Variants in SARNP observed in about 807,000 individuals in gnomAD.
The protein encoded by SARNP is SAP domain-containing ribonucleoprotein.
In SARNP, 5 loss-of-function variants were observed where a neutral mutation model predicts 38.1. That is an observed-to-expected ratio of 0.13 (90% CI 0.07 to 0.28). The LOEUF (loss-of-function observed/expected upper bound fraction) is 0.28. SARNP is among the 10% of genes least tolerant of loss of function. The pLI, the probability that SARNP is intolerant of heterozygous loss-of-function variation, is 1.00. For synonymous variants in SARNP, 84 were observed against 80.6 expected (o/e 1.04, Z -0.23); for missense variants, 180 against 243.9 (o/e 0.74, Z 1.75).
intron 9 of SARNP, among the ~76,000 whole-genome samples, chr12:55,772,477 A>AC (rs1371901250): frequency 1.1e-4 from 17 of 150,886 alleles, no homozygotes; most frequent in Non-Finnish European, 2.2e-4. Flanking sequence ...TCTTTCCCCA[A>AC]CCCCCACTCC....
chr12:55,757,378 T>A lies in SARNP; in HGVS notation c.*134A>T, dbSNP rs1878539892. 1.8e-6 allele frequency: 1 copy of A among 546,940 alleles called. No homozygotes were observed. Among genetic ancestry groups the A allele is most frequent in the African/African-American group, 1.9e-5 (1 of 51,420 alleles). 33.9% of individuals were successfully genotyped at this position (546,940 alleles called of 1,614,324 possible). Reference sequence around the variant, plus strand: ...TCAAACTGCTGCCGCAGTTCATGGATGTACCTGGGGTACATGCTCCCTCAT... The same window carrying A: ...TCAAACTGCTGCCGCAGTTCATGGAAGTACCTGGGGTACATGCTCCCTCAT... On this transcript the variant is annotated 3_prime_UTR_variant, in exon 11 of 11. Transcript: ENST00000336133.
At chr12:55,804,533 A>G (rs1200103754) in intron 1 of SARNP, among the ~76,000 whole-genome samples, 2 of 152,220 alleles carry the variant, frequency 1.3e-5, no homozygotes, top group African/African-American at 4.8e-5. Flanking sequence ...TCAGTTATAT[A>G]AAAACTGGGT....
At chr12:55,799,763 A>T (rs1409416628) in intron 4 of SARNP, among the ~76,000 whole-genome samples, 1 of 151,000 alleles carries the variant, frequency 6.6e-6, no homozygotes, top group Non-Finnish European at 1.5e-5. Flanking sequence ...CATCTTGGCC[A>T]GGCTGGTCTT....
chr12:55,775,535 A>C (rs566321714), intron 9 of SARNP, among the ~76,000 whole-genome samples: 109 of 148,102 alleles, frequency 7.4e-4, no homozygotes, highest in Admixed American at 2.1e-3. Context: ...TCTCAAAAAA[A>C]AAAAAACAAA....
At chr12:55,806,399 T>A (rs2136204748) in intron 1 of SARNP, among the ~76,000 whole-genome samples, 1 of 151,800 alleles carries the variant, frequency 6.6e-6, no homozygotes, top group South Asian at 2.1e-4. Flanking sequence ...CTCAGCCTCC[T>A]GAGTAGCTGG....
intron 9 of SARNP, among the ~76,000 whole-genome samples, chr12:55,779,025 A>G (rs1297493158): frequency 6.6e-6 from 1 of 152,122 alleles, no homozygotes; most frequent in African/African-American, 2.4e-5. Flanking sequence ...AACACAAAAA[A>G]CTAAACAAAC....
chr12:55,803,643 T>C lies in SARNP; in HGVS notation c.122A>G (p.Tyr41Cys). The change falls in exon 2 of 11, where the codon TAT becomes TGT. Residue 41 changes from tyrosine to cysteine, a missense_variant. Physicochemically the swap from Tyr to Cys is radical, Grantham distance 194 (BLOSUM62 -2). Coordinates refer to ENST00000336133, the MANE Select transcript of SARNP (RefSeq NM_033082.4). ...AAAGTACTCACCATGTTCTTCAAGA[T>C]ATGCCTGGAGTCTGTGGATAAGATC... Reference protein sequence around the residue: ...KQDLIHRLQAYLEEHAEEEAN... With the variant: ...KQDLIHRLQACLEEHAEEEAN... 1 of 1,609,526 alleles carries C rather than the reference T, an allele frequency of 6.2e-7. No homozygotes were observed. Among genetic ancestry groups the C allele is most frequent in the Non-Finnish European group, 8.5e-7 (1 of 1,176,486 alleles).
chr12:55,771,592 T>C (rs780277506), intron 9 of SARNP, among the ~76,000 whole-genome samples: 5 of 152,086 alleles, frequency 3.3e-5, no homozygotes, highest in African/African-American at 4.8e-5. Context: ...TCAGGGGAGC[T>C]CAGGTACTGC....
chr12:55,794,463 CAT>C, intron 6 of SARNP, 76 bp from the exon 7 acceptor site: 2 of 1,222,570 alleles, frequency 1.6e-6, no homozygotes, highest in East Asian at 2.3e-5. Flanking sequence ...GTCAAGTATA[CAT>C]ATGACACTTC....
At chr12:55,753,069 G>A (rs1878375933), downstream of SARNP, 1 of 152,206 alleles carries the variant, frequency 6.6e-6, no homozygotes, top group Non-Finnish European at 1.5e-5. Flanking sequence ...ATGGAAAGAG[G>A]ACAGGAAACT....
At chr12:55,805,241 A>G (rs567156806) in intron 1 of SARNP, among the ~76,000 whole-genome samples, 2 of 152,346 alleles carry the variant, frequency 1.3e-5, no homozygotes, top group Admixed American at 1.3e-4. Flanking sequence ...AGCCTGGGCG[A>G]AAGTGCGAGA....
intron 9 of SARNP, among the ~76,000 whole-genome samples, chr12:55,769,452 C>T (rs2432579): frequency 6.6e-6 from 1 of 151,974 alleles, no homozygotes; most frequent in Non-Finnish European, 1.5e-5. Flanking sequence ...GGACTCATAA[C>T]GGAAATTTGC....
chr12:55,804,700 T>C (rs1019745946), intron 1 of SARNP, among the ~76,000 whole-genome samples: 6 of 152,168 alleles, frequency 3.9e-5, no homozygotes, highest in Admixed American at 2.0e-4. Flanking sequence ...TCTATACTCT[T>C]ATTTTACGAA....
At chr12:55,800,257 T>A (rs1364332923) in intron 4 of SARNP, among the ~76,000 whole-genome samples, 1 of 152,038 alleles carries the variant, frequency 6.6e-6, no homozygotes, top group African/African-American at 2.4e-5. Context: ...AGATTCTCTA[T>A]AGAGTAACAG....
chr12:55,796,117 T>G lies in SARNP; in HGVS notation c.252-41A>C, dbSNP rs368438168. The G allele has an allele frequency of 4.3e-4, 591 of 1,380,138 alleles. 9 individuals carry two copies. In the South Asian group the frequency reaches 6.6e-3, roughly 15 times the overall value. The allele number at this position is 1,380,138 out of a possible 1,614,324, so 85.5% of individuals were successfully genotyped here. A position where few individuals can be genotyped will look rare whatever the true frequency, so the allele number is the denominator to read the frequency against. Reference sequence around the variant, plus strand: ...ATTTTTTAAAATGAGAAAACTGATATTCTAAACCACAACCTCAGAAATGTG... The same window carrying G: ...ATTTTTTAAAATGAGAAAACTGATAGTCTAAACCACAACCTCAGAAATGTG... On this transcript the variant is annotated intron_variant, in intron 4 of 10. Coordinates refer to ENST00000336133, the MANE Select transcript of SARNP (RefSeq NM_033082.4).
intron 9 of SARNP, among the ~76,000 whole-genome samples, chr12:55,761,187 T>A (rs574801787): frequency 5.2e-4 from 78 of 150,746 alleles, no homozygotes; most frequent in Middle Eastern, 3.4e-3. Context: ...AAAAAAAAAA[T>A]AATAAATAAA....
chr12:55,794,879 C>A lies in SARNP; in HGVS notation c.305G>T (p.Arg102Ile), dbSNP rs201721498. 1.4e-5 allele frequency: 21 copies of A among 1,520,148 alleles called. No homozygotes were observed. The highest frequency in any genetic ancestry group is 1.9e-5 in the Non-Finnish European group (21 of 1,120,492). 94.2% of individuals were successfully genotyped at this position (1,520,148 alleles called of 1,614,324 possible). ...GAATCGTTCAGCCCTCTTCTGCATTCTCTAAGTAAAAATAGACAAAAGGGA... is the reference window on the plus strand; with the variant it reads ...GAATCGTTCAGCCCTCTTCTGCATTATCTAAGTAAAAATAGACAAAAGGGA... ...KITSEIPQTE[R>I]MQKRAERFNV... Residue 102 changes from arginine (R) to isoleucine (I), a missense_variant and splice_region_variant, in exon 6 of 11, where the codon AGA becomes ATA. Physicochemically the swap from Arg to Ile is moderately conservative, Grantham distance 97. This residue lies in a region of SARNP where 161 missense variants were observed against 194.1 expected (regional missense o/e 0.83). Transcript: ENST00000336133.
At chr12:55,785,124 C>CA (rs1384214363) in intron 9 of SARNP, among the ~76,000 whole-genome samples, 1 of 149,962 alleles carries the variant, frequency 6.7e-6, no homozygotes, top group African/African-American at 2.5e-5. Flanking sequence ...CTGTAATAAT[C>CA]AAAAAAATTT....
chr12:55,777,658 G>A (rs34031660), intron 9 of SARNP, among the ~76,000 whole-genome samples: 70 of 152,148 alleles, frequency 4.6e-4, no homozygotes, highest in Non-Finnish European at 9.0e-4. Flanking sequence ...ACAGGTGTGA[G>A]CCACCACACC....
Sources: allele counts gnomAD v4.1 joint callset (sites outside exome capture counted in the v4.1 genomes callset), GRCh38; gene constraint gnomAD v4.1.1; regional missense constraint gnomAD v4.1.1; transcripts MANE v1.5; gene names NCBI Gene and HGNC (gene_info 2026-07-23, HGNC 2026-07-21).